Variants in ARHGEF10 observed in about 807,000 individuals in gnomAD.
ARHGEF10 encodes the protein Rho guanine nucleotide exchange factor (GEF) 10.
ARHGEF10 carries 140 observed loss-of-function variants against 147.4 expected under a neutral mutation model. That is an observed-to-expected ratio of 0.95 (90% confidence interval 0.83 to 1.09). The LOEUF (loss-of-function observed/expected upper bound fraction) is 1.09. ARHGEF10 is among the 50% of genes least tolerant of loss of function. ARHGEF10 has a pLI of 0.00. For synonymous variants in ARHGEF10, 902 were observed against 695.8 expected (o/e 1.30, Z -4.67); for missense variants, 2,222 against 1,752.7 (o/e 1.27, Z -4.78).
At chr8:1,892,627 C>T (rs2129153381) in intron 11 of ARHGEF10, among the ~76,000 whole-genome samples, 1 of 150,896 alleles carries the variant, frequency 6.6e-6, no homozygotes, top group South Asian at 2.1e-4. Context: ...ACTGGAGTAC[C>T]CGTGTGTGTG....
At chr8:1,908,323 C>T (rs1036053493) in intron 17 of ARHGEF10, among the ~76,000 whole-genome samples, 5 of 150,150 alleles carry the variant, frequency 3.3e-5, no homozygotes, top group Admixed American at 1.3e-4. Flanking sequence ...CTCTGCCTCC[C>T]GGGTTCACGC....
rs1813747943 is a variant in ARHGEF10, at chr8:1,937,871, C to CCTGAGGCT, written c.3222+3938_3222+3945dup. Among the ~76,000 whole-genome samples the CCTGAGGCT allele has an allele frequency of 6.6e-6, 1 of 152,208 alleles. No individual in the cohort carries two copies. The highest frequency in any genetic ancestry group is 1.5e-5 in the Non-Finnish European group (1 of 68,034). ...TAGCCATATTTGGAAGAAAAAGGCA[C>CCTGAGGCT]CTGAGGCTCTGAGGCTTCGGTGTTC... On this transcript the variant is annotated intron_variant, in intron 26 of 28. Transcript: ENST00000349830. The surrounding 1 kb of genome is among the most constrained non-coding windows in gnomAD (Gnocchi z 4.9).
intron 18 of ARHGEF10, among the ~76,000 whole-genome samples, chr8:1,921,450 C>T (rs1355144968): frequency 6.6e-6 from 1 of 152,220 alleles, no homozygotes; most frequent in Non-Finnish European, 1.5e-5. Context: ...ATGTCCAGGC[C>T]AGGCACGGTG....
At position 1,866,554 on chromosome 8, in the gene ARHGEF10, G is replaced by A. The variant is rs779899466; in HGVS notation, c.574G>A (p.Ala192Thr). Residue 192 changes from alanine to threonine, a missense_variant, in exon 6 of 29, where the codon GCA becomes ACA. Coordinates refer to ENST00000349830, the MANE Select transcript of ARHGEF10 (RefSeq NM_014629.4). The part of the protein sequence containing the change: ...SEDQVGREDS[A>T]LARWAADPAN... ...AGATCAAGTCGGTCGAGAGGACAGC[G>A]CACTTGCCCGCTGGGCCGCAGACCC... The A allele has an allele frequency of 3.7e-6, 6 of 1,609,544 alleles. No homozygotes were observed. The highest frequency in any genetic ancestry group is 2.2e-5 in the East Asian group (1 of 44,866).
chr8:1,898,614 T>C (rs937044773), intron 15 of ARHGEF10, 89 bp downstream of exon 15: 10 of 1,333,454 alleles, frequency 7.5e-6, no homozygotes, highest in Admixed American at 5.6e-5. Context: ...CACTTTGGAA[T>C]GGCTGCCCCT....
At position 1,923,062 on chromosome 8, in the gene ARHGEF10, C is replaced by G. The variant is rs1340064676; in HGVS notation, c.2242C>G (p.Leu748Val). ...CCAAATCACTCAGCTGATAGGAAAC[C>G]TTAAAGGAAACTATCAGGTAACAAT... ...IGQITQLIGNLKGNYQNLNQS... is the reference protein window; with the variant it reads ...IGQITQLIGNVKGNYQNLNQS... The change falls in exon 19 of 29, where the codon CTT becomes GTT. Residue 748 changes from leucine (L) to valine (V), a missense_variant. Leu to Val is a conservative substitution (Grantham distance 32, BLOSUM62 1). Transcript: ENST00000349830. 2 of 1,609,284 alleles carry G rather than the reference C, an allele frequency of 1.2e-6. No homozygotes were observed. The highest frequency in any genetic ancestry group is 3.3e-5 in the Admixed American group (2 of 59,970).
intron 18 of ARHGEF10, among the ~76,000 whole-genome samples, chr8:1,912,192 G>T (rs918914866): frequency 6.6e-6 from 1 of 150,710 alleles, no homozygotes; most frequent in Non-Finnish European, 1.5e-5. Context: ...TGTGTTTGCC[G>T]TGTGGTGTTA....
At chr8:1,882,234 C>T (rs939818151) in intron 9 of ARHGEF10, among the ~76,000 whole-genome samples, 3 of 152,188 alleles carry the variant, frequency 2.0e-5, no homozygotes, top group African/African-American at 7.2e-5. Context: ...ACATGGGGTG[C>T]AGTGGGAAGC....
chr8:1,920,211 G>A (rs546041602), intron 18 of ARHGEF10, among the ~76,000 whole-genome samples: 133 of 152,292 alleles, frequency 8.7e-4, no homozygotes, highest in African/African-American at 3.1e-3. Flanking sequence ...ATATAGAGCC[G>A]CACACCAAAA....
chr8:1,881,700 A>G (rs1261847154), intron 9 of ARHGEF10, among the ~76,000 whole-genome samples: 1 of 152,132 alleles, frequency 6.6e-6, no homozygotes, highest in Non-Finnish European at 1.5e-5. Flanking sequence ...TTGGAAGTCC[A>G]GGGCAGGCAG....
At chr8:1,858,237 T>G (rs942376044) in intron 3 of ARHGEF10, 122 bp downstream of exon 3, 46 of 886,462 alleles carry the variant, frequency 5.2e-5, no homozygotes, top group East Asian at 3.5e-4. Context: ...AGTCCCCAGG[T>G]GGGTCCCCAG....
chr8:1,856,485 G>A (rs1015101016), intron 2 of ARHGEF10, among the ~76,000 whole-genome samples: 1 of 152,194 alleles, frequency 6.6e-6, no homozygotes, highest in African/African-American at 2.4e-5. Flanking sequence ...GACTAGTTTA[G>A]GAGATTCAAA....
chr8:1,827,540 A>G (rs1563141939), intron 1 of ARHGEF10, among the ~76,000 whole-genome samples: 1 of 152,150 alleles, frequency 6.6e-6, no homozygotes, highest in Admixed American at 6.5e-5. Context: ...TCCCGACCTC[A>G]AGTGATCCAC....
chr8:1,832,706 G>T (rs1457040257), intron 1 of ARHGEF10, among the ~76,000 whole-genome samples: 1 of 25,588 alleles, frequency 3.9e-5, no homozygotes, highest in African/African-American at 1.6e-4. Flanking sequence ...ACAGGCAGAG[G>T]CAGAGACAGA....
In ARHGEF10 at chr8:1,884,547, C is replaced by G. The variant is rs948183586; in HGVS notation, c.1076-1054C>G. ...TTAAAACAGGCTGGTGCCAGGCCCT[C>G]CTTCCCTGGCTGATCCGTTGATCTC... On this transcript the variant is annotated intron_variant, in intron 10 of 28. Transcript: ENST00000349830. 4.6e-5 allele frequency among the ~76,000 whole-genome samples: 7 copies of G among 152,292 alleles called. 1 individual carries two copies. Among genetic ancestry groups the G allele is most frequent in the Admixed American group, 2.6e-4 (4 of 15,308 alleles).
At chr8:1,893,486 A>T (rs1447254225) in intron 11 of ARHGEF10, 83 bp from the exon 12 acceptor site, 2 of 914,622 alleles carry the variant, frequency 2.2e-6, no homozygotes, top group Non-Finnish European at 3.7e-6. Flanking sequence ...GTTACTTATC[A>T]GCAAGCCTCA....
rs1170488277 is a variant in ARHGEF10, at chr8:1,887,982, A to G, written c.1182+2275A>G. Among the ~76,000 whole-genome samples the G allele has an allele frequency of 1.6e-4, 21 of 132,544 alleles. No homozygotes were observed. The East Asian group carries it at 4.5e-3, about 29-fold the overall frequency. The allele number at this position is 132,544 out of a possible 152,430, so 87.0% of individuals were successfully genotyped here. On this transcript the variant is annotated intron_variant, in intron 11 of 28. Coordinates refer to ENST00000349830, the MANE Select transcript of ARHGEF10 (RefSeq NM_014629.4). ...GATGAGACACTGTGAGTGGGGTGAG[A>G]GTTGTGAAGAGACAGTGAGTGGGGT...
rs1455087071 is a variant in ARHGEF10, at chr8:1,866,600, A to C, written c.620A>C (p.Glu207Ala). 1 of 1,604,686 alleles carries C rather than the reference A, an allele frequency of 6.2e-7. No individual in the cohort carries two copies. Among genetic ancestry groups the C allele is most frequent in the Non-Finnish European group, 8.5e-7 (1 of 1,179,946 alleles). ...GACCCGGCCAACACAGCCTGGATGG[A>C]GAGTAAGTTCCCCAGCTGCCCACAG... ...AADPANTAWM[E>A]NPEEAIYDDV... Residue 207 changes from glutamate (E) to alanine (A), a missense_variant and splice_region_variant, in exon 6 of 29, where the codon GAG becomes GCG. Glu to Ala is a moderately radical substitution (Grantham distance 107, BLOSUM62 -1). Transcript: ENST00000349830.
chr8:1,912,993 G>C (rs910084995), intron 18 of ARHGEF10, among the ~76,000 whole-genome samples: 1 of 152,178 alleles, frequency 6.6e-6, no homozygotes, highest in African/African-American at 2.4e-5. Flanking sequence ...CTGGCAGGTG[G>C]ATTTATGAGA....
Sources: gnomAD v4.1 joint callset for allele counts (sites outside exome capture counted in the v4.1 genomes callset) on GRCh38, gnomAD v4.1.1 for gene constraint, Gnocchi (gnomAD v3.1) non-coding constraint, MANE v1.5 for transcripts, NCBI Gene and HGNC (gene_info 2026-07-23, HGNC 2026-07-21) for gene names.